DNMT3B: variants seen among roughly 807,000 people sequenced by gnomAD.
DNMT3B encodes DNA (cytosine-5)-methyltransferase 3B.
Under a neutral mutation model 120.2 loss-of-function variants are expected in DNMT3B, and 37 were observed. The observed-to-expected ratio is 0.31, with a 90% CI of 0.24 to 0.40. The LOEUF (loss-of-function observed/expected upper bound fraction) is 0.40, where lower values mean the gene tolerates loss of function less well. Among genes scored for constraint, DNMT3B ranks in the 10% least tolerant of loss-of-function variants. The pLI, the probability that DNMT3B is intolerant of heterozygous loss-of-function variation, is 1.00. For missense variants in DNMT3B, 878 were observed against 1,137.3 expected, an observed-to-expected ratio of 0.77 and a Z score of 3.28; for synonymous variants, 412 against 442.8, an observed-to-expected ratio of 0.93 and a Z score of 0.87.
At chr20:32,806,575 C>T (rs921400274) in intron 22 of DNMT3B, among the ~76,000 whole-genome samples, 4 of 152,188 alleles carry the variant, frequency 2.6e-5, no homozygotes, top group Non-Finnish European at 5.9e-5. Flanking sequence ...GGCTGCACTG[C>T]CGTGACATCT....
chr20:32,777,732 C>T (rs1052559466), intron 1 of DNMT3B, among the ~76,000 whole-genome samples: 2 of 152,156 alleles, frequency 1.3e-5, no homozygotes, highest in Admixed American at 6.5e-5. Flanking sequence ...GAACCGACAC[C>T]GCAGCAGCTT....
At chr20:32,801,502 G>A in intron 19 of DNMT3B, 76 bp downstream of exon 19, 1 of 1,589,304 alleles carries the variant, frequency 6.3e-7, no homozygotes, top group East Asian at 2.2e-5. Flanking sequence ...TGATTGGTGG[G>A]TGTTGCCAAC....
chr20:32,784,878 A>C lies in DNMT3B; in HGVS notation c.306+19A>C. On this transcript the variant is annotated intron_variant, in intron 4 of 22. Coordinates refer to ENST00000328111, the MANE Select transcript of DNMT3B (RefSeq NM_006892.4). Reference sequence around the variant, plus strand: ...CCCAGCTGTAAGTAGCCACACCTCGAGCCAAAGCACTTGTGGCCAACACTC... The same window carrying C: ...CCCAGCTGTAAGTAGCCACACCTCGCGCCAAAGCACTTGTGGCCAACACTC... The C allele has an allele frequency of 6.2e-7, 1 of 1,613,492 alleles. No individual in the cohort carries two copies. The highest frequency in any genetic ancestry group is 8.5e-7 in the Non-Finnish European group (1 of 1,179,514).
chr20:32,801,046 C>T (rs1981275285), intron 18 of DNMT3B, 121 bp downstream of exon 18: 1 of 1,293,232 alleles, frequency 7.7e-7, no homozygotes, highest in Non-Finnish European at 1.1e-6. Context: ...CATCAGGGGC[C>T]TGTTGGTGCT....
intron 6 of DNMT3B, among the ~76,000 whole-genome samples, chr20:32,787,842 C>A (rs145040291): frequency 6.6e-6 from 1 of 151,438 alleles, no homozygotes; most frequent in African/African-American, 2.4e-5. Flanking sequence ...AGAGAGTCAG[C>A]GAAGGGAGAT....
At chr20:32,763,696 G>T (rs1221200003) in intron 1 of DNMT3B, among the ~76,000 whole-genome samples, 2 of 152,218 alleles carry the variant, frequency 1.3e-5, no homozygotes, top group Non-Finnish European at 2.9e-5. Context: ...CAGGCTTCCC[G>T]CTGGAGGATC....
At chr20:32,786,723 G>A (rs890287566) in intron 5 of DNMT3B, 96 bp downstream of exon 5, 4 of 1,587,028 alleles carry the variant, frequency 2.5e-6, no homozygotes, top group African/African-American at 2.7e-5. Flanking sequence ...TAGATAATCT[G>A]TGTCCTTTTT....
rs192769774 is a variant in DNMT3B at position 32,796,929 on chromosome 20, C to T, written c.1377+60C>T. 3.8e-3 allele frequency: 6,200 copies of T among 1,614,168 alleles called. 34 individuals carry two copies. Among genetic ancestry groups the T allele is most frequent in the Non-Finnish European group, 3.6e-3 (4,284 of 1,180,026 alleles). On this transcript the variant is annotated intron_variant, in intron 13 of 22. Transcript: ENST00000328111. ...CCCTTGCCTCCTCTAACTCCCCTCT[C>T]CTTCCCAACAGCACCTGTGTGGAGA...
chr20:32,781,269 C>T (rs1320991354), intron 2 of DNMT3B, 84 bp from the exon 3 acceptor site: 20 of 1,447,468 alleles, frequency 1.4e-5, no homozygotes, highest in African/African-American at 8.4e-5. Flanking sequence ...GGCCACGCCA[C>T]GGAGAAAAGC....
chr20:32,793,654 T>C, intron 10 of DNMT3B, 59 bp downstream of exon 10: 1 of 1,587,312 alleles, frequency 6.3e-7, no homozygotes, highest in Non-Finnish European at 8.6e-7. Flanking sequence ...TTCTGATTTC[T>C]TTGCATATAA....
chr20:32,762,553 T>A lies in DNMT3B; in HGVS notation c.-153T>A. The A allele has an allele frequency of 2.8e-6, 1 of 351,654 alleles. No individual in the cohort carries two copies. The highest frequency in any genetic ancestry group is 5.8e-6 in the Non-Finnish European group (1 of 171,768). 21.8% of individuals were successfully genotyped at this position (351,654 alleles called of 1,614,324 possible). ...CGCTGCCCGGCCGGCAGCGCTGGGG[T>A]TAAGTGGCCCAAGTAAACCTAGCTC... On this transcript the variant is annotated 5_prime_UTR_variant, in exon 1 of 23. Coordinates refer to ENST00000328111, the MANE Select transcript of DNMT3B (RefSeq NM_006892.4).
At chr20:32,784,423 A>G (rs1979009449) in intron 3 of DNMT3B, among the ~76,000 whole-genome samples, 1 of 152,240 alleles carries the variant, frequency 6.6e-6, no homozygotes. Flanking sequence ...ACTCAAAGCC[A>G]CACAGTTGGT....
At chr20:32,785,059 C>T (rs535107905) in intron 4 of DNMT3B, among the ~76,000 whole-genome samples, 200 bp downstream of exon 4, 84 of 148,004 alleles carry the variant, frequency 5.7e-4, no homozygotes, top group African/African-American at 2.1e-3. Context: ...TTTTCTGAGA[C>T]GGAGTCTCAC....
In DNMT3B at chr20:32,795,572, AG is replaced by A. The variant is rs763411948; in HGVS notation, c.1252+40del. ...TACCTGGGATCATGGGACAGATGGGAGGAGGACGCTGCAGATCAGGAATTGA... is the reference window on the plus strand; with the variant it reads ...TACCTGGGATCATGGGACAGATGGGAGAGGACGCTGCAGATCAGGAATTGA... On this transcript the variant is annotated intron_variant, in intron 11 of 22. Coordinates refer to ENST00000328111, the MANE Select transcript of DNMT3B (RefSeq NM_006892.4). The A allele has an allele frequency of 3.1e-6, 5 of 1,614,024 alleles. No individual in the cohort carries two copies. In the South Asian group the frequency reaches 5.5e-5, roughly 18 times the overall value.
chr20:32,793,542 A>G lies in DNMT3B; in HGVS notation c.1073A>G (p.Asn358Ser), dbSNP rs760904691. The G allele has an allele frequency of 3.1e-6, 5 of 1,614,222 alleles. No individual in the cohort carries two copies. The East Asian group carries it at 1.1e-4, about 36-fold the overall frequency. Residue 358 changes from asparagine to serine, a missense_variant, in exon 10 of 23, where the codon AAT becomes AGT. Physicochemically the swap from Asn to Ser is conservative, Grantham distance 46. This residue lies in a region of DNMT3B where 207 missense variants were observed against 222.6 expected (regional missense o/e 0.93). Coordinates refer to ENST00000328111, the MANE Select transcript of DNMT3B (RefSeq NM_006892.4). ...LKPNNTQPVVNKSKVRRAGSR... is the reference protein window; with the variant it reads ...LKPNNTQPVVSKSKVRRAGSR... ...TTTGTTTTCCCCTCAAAAGTGGTTA[A>G]TAAGTCGAAGGTGCGTCGTGCAGGC... is the stretch of plus-strand genomic sequence containing the variant.
intron 8 of DNMT3B, 26 bp from the exon 9 acceptor site, chr20:32,792,599 CA>C: frequency 6.2e-7 from 1 of 1,614,132 alleles, no homozygotes; most frequent in Non-Finnish European, 8.5e-7. Flanking sequence ...CCCACCCCCC[CA>C]TTCATCACAG....
chr20:32,804,630 C>G (rs545081096), intron 20 of DNMT3B, among the ~76,000 whole-genome samples: 11 of 150,940 alleles, frequency 7.3e-5, no homozygotes, highest in Admixed American at 1.3e-4. Context: ...CTGTTTGCCT[C>G]TCTCTGCATT....
At chr20:32,775,093 G>T (rs1014107603) in intron 1 of DNMT3B, among the ~76,000 whole-genome samples, 3 of 151,964 alleles carry the variant, frequency 2.0e-5, no homozygotes, top group African/African-American at 7.3e-5. Context: ...CCTGACCTCG[G>T]GTGGTCCACC....
At chr20:32,779,965 C>A (rs1196236456) in intron 1 of DNMT3B, 2 of 1,009,218 alleles carry the variant, frequency 2.0e-6, no homozygotes, top group Admixed American at 2.0e-5. Flanking sequence ...CAGAGGCTGG[C>A]GGCAGACGGG....
Sources: gnomAD v4.1 joint callset for allele counts (sites outside exome capture counted in the v4.1 genomes callset) on GRCh38, gnomAD v4.1.1 for gene constraint, gnomAD v4.1.1 regional missense constraint, MANE v1.5 for transcripts, NCBI Gene and HGNC (gene_info 2026-07-23, HGNC 2026-07-21) for gene names.